Variants in RABGAP1 observed in about 807,000 individuals in gnomAD.
RABGAP1 encodes the protein RAB GTPase activating protein 1.
A neutral mutation model predicts 137.6 loss-of-function variants in RABGAP1; 23 were observed. That is an observed-to-expected ratio of 0.17 (90% confidence interval 0.12 to 0.24). RABGAP1 has a LOEUF of 0.24. Among genes scored for constraint, RABGAP1 ranks in the 10% least tolerant of loss-of-function variants. RABGAP1 has a pLI of 1.00. For missense variants in RABGAP1, 906 were observed against 1,275.8 expected, an observed-to-expected ratio of 0.71 and a Z score of 4.42; for synonymous variants, 451 against 450.7, an observed-to-expected ratio of 1.00 and a Z score of -0.01.
intron 15 of RABGAP1, among the ~76,000 whole-genome samples, chr9:123,071,073 C>G (rs1432777225): frequency 6.6e-6 from 1 of 152,106 alleles, no homozygotes; most frequent in African/African-American, 2.4e-5. Context: ...CTTCTAAATA[C>G]TTGATCATAT....
At chr9:122,996,832 T>C (rs952200921) in intron 8 of RABGAP1, 8 of 489,520 alleles carry the variant, frequency 1.6e-5, no homozygotes, top group African/African-American at 9.7e-5. Flanking sequence ...ATAAAATTCT[T>C]GTTTAAATAT....
intron 6 of RABGAP1, among the ~76,000 whole-genome samples, chr9:122,992,440 T>C (rs774289704): frequency 4.6e-5 from 7 of 152,144 alleles, no homozygotes; most frequent in Non-Finnish European, 8.8e-5. Flanking sequence ...ATAACTTCCC[T>C]TCCTTCTGAA....
intron 19 of RABGAP1, among the ~76,000 whole-genome samples, chr9:123,082,211 C>G (rs2034730660): frequency 6.6e-6 from 1 of 151,904 alleles, no homozygotes; most frequent in Admixed American, 6.6e-5. Flanking sequence ...AAATGTTTTA[C>G]TTATTTCTTG....
chr9:123,012,933 A>G (rs950242605), intron 11 of RABGAP1, among the ~76,000 whole-genome samples: 1 of 152,220 alleles, frequency 6.6e-6, no homozygotes, highest in Non-Finnish European at 1.5e-5. Flanking sequence ...AGAAATGATT[A>G]CATTTCTCTC....
chr9:123,036,162 C>T (rs1427758452), intron 13 of RABGAP1, among the ~76,000 whole-genome samples: 3 of 152,194 alleles, frequency 2.0e-5, no homozygotes, highest in Non-Finnish European at 4.4e-5. Flanking sequence ...GCCAAATGTT[C>T]TGTGTTTTAT....
the RABGAP1 span, among the ~76,000 whole-genome samples, chr9:122,932,996 G>C: frequency 6.6e-6 from 1 of 152,230 alleles, no homozygotes; most frequent in East Asian, 1.9e-4. Flanking sequence ...CTTGAATTGT[G>C]GCATACAGTC....
At chr9:123,030,625 G>A (rs570290908) in intron 13 of RABGAP1, among the ~76,000 whole-genome samples, 10 of 152,200 alleles carry the variant, frequency 6.6e-5, no homozygotes, top group South Asian at 2.1e-4. Context: ...ATACTGATCA[G>A]ATCATGGTAA....
rs1420669228 is a variant in RABGAP1, at chr9:122,990,785, AAAAAAAAAAAAATATATATATATATAT to A, written c.923+574_923+600del. ...ACTCCGTCTCAAAAAAAAAAAAAAA[AAAAAAAAAAAAATATATATATATATAT>A]ATATATATATATATATATATATATG... On this transcript the variant is annotated intron_variant, in intron 6 of 25. Transcript: ENST00000373647. 3.4e-4 allele frequency: 28 copies of A among 82,536 alleles called. No homozygotes were observed. In the South Asian group the frequency reaches 6.2e-3, roughly 18 times the overall value. 5.1% of individuals were successfully genotyped at this position (82,536 alleles called of 1,614,324 possible).
intron 10 of RABGAP1, among the ~76,000 whole-genome samples, chr9:123,008,821 A>T (rs543083884): frequency 6.6e-6 from 1 of 152,184 alleles, no homozygotes; most frequent in Non-Finnish European, 1.5e-5. Flanking sequence ...CCTTTCAAAA[A>T]AAAGAATGTT....
At chr9:123,061,205 A>G (rs774099796) in intron 13 of RABGAP1, among the ~76,000 whole-genome samples, 5 of 151,914 alleles carry the variant, frequency 3.3e-5, no homozygotes, top group Non-Finnish European at 5.9e-5. Flanking sequence ...TGCAACCTCT[A>G]CCTCCTGGGC....
At chr9:122,936,828 G>T (rs1198911051), upstream of RABGAP1, among the ~76,000 whole-genome samples, 1 of 152,168 alleles carries the variant, frequency 6.6e-6, no homozygotes, top group Non-Finnish European at 1.5e-5. Flanking sequence ...AATCACTTAG[G>T]CAGGGGAAAG....
chr9:123,096,586 T>C (rs576176511), intron 21 of RABGAP1, among the ~76,000 whole-genome samples: 2 of 152,356 alleles, frequency 1.3e-5, no homozygotes, highest in East Asian at 3.9e-4. Context: ...CTCTCTCTTT[T>C]GAGACTGAGT....
At chr9:123,085,039 C>T (rs1010264147) in intron 19 of RABGAP1, among the ~76,000 whole-genome samples, 1 of 152,216 alleles carries the variant, frequency 6.6e-6, no homozygotes. Context: ...CCTGTCTGTT[C>T]CAGGGGCTGA....
intron 4 of RABGAP1, among the ~76,000 whole-genome samples, chr9:122,987,185 G>T (rs369726654): frequency 6.6e-6 from 1 of 152,074 alleles, no homozygotes. Context: ...GCACAGAGAA[G>T]CCTCTAGCTG....
chr9:122,980,548 A>G (rs1358635818), intron 2 of RABGAP1, among the ~76,000 whole-genome samples: 1 of 152,208 alleles, frequency 6.6e-6, no homozygotes, highest in Non-Finnish European at 1.5e-5. Flanking sequence ...GGGAAAATCA[A>G]CAGTCTTCCA....
chr9:122,933,302 T>C, the RABGAP1 span, among the ~76,000 whole-genome samples: 2 of 152,150 alleles, frequency 1.3e-5, no homozygotes, highest in Non-Finnish European at 2.9e-5. Flanking sequence ...AATCTTGTTG[T>C]AATGAGCCTT....
chr9:123,056,326 G>A (rs1457657525), intron 13 of RABGAP1, among the ~76,000 whole-genome samples: 1 of 152,164 alleles, frequency 6.6e-6, no homozygotes, highest in African/African-American at 2.4e-5. Flanking sequence ...AGACTAGAAG[G>A]AGCATAGGAC....
At chr9:122,979,351 AGAGTTCTCTATATATTCTG>A (rs1347625839) in intron 2 of RABGAP1, among the ~76,000 whole-genome samples, 1 of 152,146 alleles carries the variant, frequency 6.6e-6, no homozygotes, top group Non-Finnish European at 1.5e-5. Flanking sequence ...TTTCTTCTTA[AGAGTTCTCTATATATTCTG>A]GATATACGTC....
At chr9:123,053,411 A>AT (rs942199917) in intron 13 of RABGAP1, among the ~76,000 whole-genome samples, 6 of 152,228 alleles carry the variant, frequency 3.9e-5, no homozygotes, top group Non-Finnish European at 8.8e-5. Context: ...CCTCAGAGAG[A>AT]TTTTTCATCC....
Sources: allele counts gnomAD v4.1 joint callset (sites outside exome capture counted in the v4.1 genomes callset), GRCh38; gene constraint gnomAD v4.1.1; transcripts MANE v1.5; gene names NCBI Gene and HGNC (gene_info 2026-07-23, HGNC 2026-07-21).